Variants in PLCB4 observed in about 807,000 individuals in gnomAD.
PLCB4 encodes the protein phospholipase C beta 4.
Under a neutral mutation model 178.8 loss-of-function variants are expected in PLCB4, and 77 were observed. The observed-to-expected ratio is 0.43, with a 90% CI of 0.36 to 0.52. PLCB4 has a LOEUF of 0.52. Among genes scored for constraint, PLCB4 ranks in the 20% least tolerant of loss-of-function variants. The probability of loss-of-function intolerance (pLI) is 0.00; values close to 1 mark genes in which losing one functional copy is unlikely to be tolerated. For missense variants in PLCB4, 1,024 were observed against 1,453.4 expected (o/e 0.70, Z 4.80); for synonymous variants, 496 against 490.8 (o/e 1.01, Z -0.14).
intron 4 of PLCB4, among the ~76,000 whole-genome samples, chr20:9,312,208 A>G (rs1297401669): frequency 6.6e-6 from 1 of 152,030 alleles, no homozygotes; most frequent in Non-Finnish European, 1.5e-5. Context: ...CGTCTTTCCC[A>G]CATCATAAAT....
intron 25 of PLCB4, among the ~76,000 whole-genome samples, chr20:9,417,847 C>T (rs191659574): frequency 6.6e-6 from 1 of 152,292 alleles, no homozygotes; most frequent in Non-Finnish European, 1.5e-5. Flanking sequence ...AATTTCTCCA[C>T]ATCCTTGTCA....
chr20:9,478,974 A>G lies in PLCB4; in HGVS notation c.3586A>G (p.Ser1196Gly). Residue 1196 changes from serine (S) to glycine (G), a missense_variant, in exon 40 of 40, where the codon AGC (serine) becomes GGC (glycine). Ser to Gly is a moderately conservative substitution (Grantham distance 56). Around this residue, in one of 7 missense-constraint regions of PLCB4, gnomAD observed 264 missense variants for 283.2 expected, o/e 0.93. Transcript: ENST00000378473. ...TGGAAGCCGAGATGGACCGCAGACC[A>G]GCAACAGTAGTATGAAACTCCAAAA... is the stretch of plus-strand genomic sequence containing the variant. Reference protein sequence around the residue: ...EIGSRDGPQTSNSSMKLQNAN With the variant: ...EIGSRDGPQTGNSSMKLQNAN The G allele has an allele frequency of 6.2e-7, 1 of 1,613,720 alleles. No homozygotes were observed. The highest frequency in any genetic ancestry group is 8.5e-7 in the Non-Finnish European group (1 of 1,179,664).
chr20:9,427,275 C>T (rs1218725753), intron 28 of PLCB4, among the ~76,000 whole-genome samples: 2 of 151,720 alleles, frequency 1.3e-5, no homozygotes, highest in African/African-American at 4.8e-5. Context: ...AAAGAAATAA[C>T]AGAGCAGTGA....
intron 2 of PLCB4, among the ~76,000 whole-genome samples, chr20:9,135,638 G>T (rs375644520): frequency 5.9e-5 from 9 of 152,176 alleles, no homozygotes; most frequent in Middle Eastern, 3.4e-3. Flanking sequence ...TTTATGCAAG[G>T]TTTGTGAGTT....
chr20:9,210,268 T>C (rs2093659541), intron 2 of PLCB4, among the ~76,000 whole-genome samples: 2 of 152,076 alleles, frequency 1.3e-5, no homozygotes, highest in Non-Finnish European at 2.9e-5. Context: ...AAATGACAGA[T>C]AGAGGTAAGT....
intron 3 of PLCB4, among the ~76,000 whole-genome samples, chr20:9,279,906 G>A (rs557610613): frequency 2.1e-4 from 32 of 152,064 alleles, no homozygotes; most frequent in East Asian, 7.8e-4. Context: ...CTTTGGAATC[G>A]TCACATTTAA....
chr20:9,089,757 G>T (rs890613428), intron 1 of PLCB4, among the ~76,000 whole-genome samples: 1 of 152,146 alleles, frequency 6.6e-6, no homozygotes, highest in African/African-American at 2.4e-5. Flanking sequence ...ATTATTTTAA[G>T]ATGTGGAGAA....
chr20:9,350,155 TA>T (rs910387525), intron 7 of PLCB4, among the ~76,000 whole-genome samples: 5 of 149,876 alleles, frequency 3.3e-5, no homozygotes, highest in East Asian at 1.9e-4. Flanking sequence ...AAAATAAATT[TA>T]AAAAAAAAAC....
intron 34 of PLCB4, among the ~76,000 whole-genome samples, chr20:9,458,739 G>A (rs1042554033): frequency 1.4e-4 from 21 of 152,132 alleles, no homozygotes; most frequent in African/African-American, 5.1e-4. Context: ...GCCTCTGCTT[G>A]CATCACATTT....
At chr20:9,286,168 T>C (rs1367831108) in intron 3 of PLCB4, among the ~76,000 whole-genome samples, 2 of 151,978 alleles carry the variant, frequency 1.3e-5, no homozygotes, top group Non-Finnish European at 2.9e-5. Flanking sequence ...TATTTGAAAT[T>C]AGCCTGGAGT....
chr20:9,221,172 G>C (rs2093794068), intron 3 of PLCB4, among the ~76,000 whole-genome samples: 1 of 152,074 alleles, frequency 6.6e-6, no homozygotes, highest in Non-Finnish European at 1.5e-5. Context: ...GCCTGCCCCA[G>C]CCTGATCCTG....
intron 32 of PLCB4, among the ~76,000 whole-genome samples, chr20:9,452,205 A>G (rs1283033144): frequency 2.0e-5 from 3 of 152,216 alleles, no homozygotes; most frequent in African/African-American, 7.2e-5. Flanking sequence ...CTTAGCTGGG[A>G]AATTAAGGAA....
In PLCB4 at chr20:9,337,226, A is replaced by C. The variant is rs1392769160; in HGVS notation, c.165+20A>C. 4 of 1,573,326 alleles carry C rather than the reference A, an allele frequency of 2.5e-6. No individual in the cohort carries two copies. In the Admixed American group the frequency reaches 6.7e-5, roughly 26 times the overall value. ...GGCAAGGTATGGCCCAAGAAGAGCAAGTTGTTCTTTCTGCTTTGTGGTTTA... is the reference window on the plus strand; with the variant it reads ...GGCAAGGTATGGCCCAAGAAGAGCACGTTGTTCTTTCTGCTTTGTGGTTTA... On this transcript the variant is annotated intron_variant, in intron 5 of 39. Transcript: ENST00000378473.
intron 2 of PLCB4, among the ~76,000 whole-genome samples, chr20:9,162,654 T>C (rs1326752240): frequency 1.3e-5 from 2 of 152,240 alleles, no homozygotes; most frequent in Admixed American, 6.6e-5. Context: ...TCCTAGAATG[T>C]ACAACATCCT....
chr20:9,147,189 A>G (rs1354601565), intron 2 of PLCB4, among the ~76,000 whole-genome samples: 1 of 152,144 alleles, frequency 6.6e-6, no homozygotes, highest in African/African-American at 2.4e-5. Context: ...TGTGGGAAAT[A>G]TGGGTTAGAC....
At chr20:9,143,711 G>A (rs1349480134) in intron 2 of PLCB4, among the ~76,000 whole-genome samples, 1 of 152,114 alleles carries the variant, frequency 6.6e-6, no homozygotes, top group East Asian at 1.9e-4. Context: ...CTCAGCTGAT[G>A]TTTTAGGAGA....
intron 28 of PLCB4, among the ~76,000 whole-genome samples, chr20:9,434,383 TA>T (rs1461820426): frequency 5.9e-5 from 9 of 152,180 alleles, no homozygotes; most frequent in Admixed American, 2.0e-4. Flanking sequence ...TGTTTATTAT[TA>T]TTTTTTTCTG....
At chr20:9,458,290 G>A (rs1485666529) in intron 34 of PLCB4, among the ~76,000 whole-genome samples, 1 of 152,112 alleles carries the variant, frequency 6.6e-6, no homozygotes, top group Admixed American at 6.6e-5. Flanking sequence ...ACTCTATAGA[G>A]GCAGTAAGGC....
intron 33 of PLCB4, among the ~76,000 whole-genome samples, chr20:9,455,046 G>A (rs2042975172): frequency 6.6e-6 from 1 of 152,178 alleles, no homozygotes; most frequent in Non-Finnish European, 1.5e-5. Flanking sequence ...TAAGTTTTGA[G>A]GAGCTGTGAT....
Sources: allele counts gnomAD v4.1 joint callset (sites outside exome capture counted in the v4.1 genomes callset), GRCh38; gene constraint gnomAD v4.1.1; regional missense constraint gnomAD v4.1.1; transcripts MANE v1.5; gene names NCBI Gene and HGNC (gene_info 2026-07-23, HGNC 2026-07-21).